Variants in NEGR1 observed in about 807,000 individuals in gnomAD.
The protein encoded by NEGR1 is neuronal growth regulator 1.
A neutral mutation model predicts 40.9 loss-of-function variants in NEGR1; 10 were observed. The observed-to-expected ratio is 0.24, with a 90% CI of 0.15 to 0.42. The LOEUF (loss-of-function observed/expected upper bound fraction) is 0.42, where lower values mean the gene tolerates loss of function less well. Ranked by LOEUF, NEGR1 falls within the 10% of genes least tolerant of loss-of-function variation. The pLI, the probability that NEGR1 is intolerant of heterozygous loss-of-function variation, is 1.00. For synonymous variants in NEGR1, 185 were observed against 166.8 expected, an observed-to-expected ratio of 1.11 and a Z score of -0.84; for missense variants, 352 against 438.9, an observed-to-expected ratio of 0.80 and a Z score of 1.77.
At chr1:71,834,670 T>C (rs1658955229) in intron 2 of NEGR1, among the ~76,000 whole-genome samples, 1 of 152,010 alleles carries the variant, frequency 6.6e-6, no homozygotes, top group Admixed American at 6.6e-5. Context: ...TGTGGGCCAA[T>C]TCCTACTGAT....
intron 1 of NEGR1, among the ~76,000 whole-genome samples, chr1:71,974,388 A>T (rs1646284423): frequency 6.6e-6 from 1 of 152,250 alleles, no homozygotes; most frequent in Admixed American, 6.5e-5. Context: ...GATATTAAGT[A>T]AATTTCTGTT....
chr1:72,126,914 A>T (rs762249672), intron 1 of NEGR1, among the ~76,000 whole-genome samples: 1 of 152,094 alleles, frequency 6.6e-6, no homozygotes, highest in Non-Finnish European at 1.5e-5. Context: ...TCTGCTCAAC[A>T]TTTGCCCCAA....
intron 2 of NEGR1, among the ~76,000 whole-genome samples, chr1:71,907,804 A>G (rs990722915): frequency 8.5e-5 from 13 of 152,142 alleles, no homozygotes; most frequent in Non-Finnish European, 4.4e-5. Context: ...TACACCCCCC[A>G]TGGAATACTA....
chr1:72,127,298 A>G (rs1275116586), intron 1 of NEGR1, among the ~76,000 whole-genome samples: 1 of 151,860 alleles, frequency 6.6e-6, no homozygotes, highest in Non-Finnish European at 1.5e-5. Context: ...CCCTGTCTCT[A>G]CTAAAAAAAC....
At chr1:71,904,344 A>G (rs1021398254) in intron 2 of NEGR1, among the ~76,000 whole-genome samples, 1 of 152,110 alleles carries the variant, frequency 6.6e-6, no homozygotes, top group Non-Finnish European at 1.5e-5. Flanking sequence ...ACAAGTGGAC[A>G]TAATTATTTG....
chr1:72,236,559 T>C (rs1421546585), intron 1 of NEGR1, among the ~76,000 whole-genome samples: 3 of 152,064 alleles, frequency 2.0e-5, no homozygotes, highest in Admixed American at 6.6e-5. Context: ...TCCTCCTTTG[T>C]GACTCAATCA....
chr1:72,047,890 A>G (rs1320448219), intron 1 of NEGR1, among the ~76,000 whole-genome samples: 5 of 151,620 alleles, frequency 3.3e-5, no homozygotes, highest in African/African-American at 9.7e-5. Context: ...TATTCTGTAT[A>G]GAAGCATATA....
At chr1:71,728,331 C>A (rs1407171025) in intron 3 of NEGR1, among the ~76,000 whole-genome samples, 1 of 152,092 alleles carries the variant, frequency 6.6e-6, no homozygotes, top group East Asian at 1.9e-4. Flanking sequence ...GGAGTCCAGG[C>A]AGAGTAACTG....
chr1:71,419,557 T>G (rs752654366), intron 6 of NEGR1, among the ~76,000 whole-genome samples: 14 of 152,178 alleles, frequency 9.2e-5, no homozygotes, highest in Non-Finnish European at 1.9e-4. Context: ...ATCTGTTTTT[T>G]TTCCTCATAG....
chr1:71,410,728 G>A (rs1646314373), intron 6 of NEGR1, among the ~76,000 whole-genome samples: 1 of 152,058 alleles, frequency 6.6e-6, no homozygotes, highest in Admixed American at 6.6e-5. Context: ...ATTATGTGTG[G>A]TTTGTGTGTG....
chr1:71,597,468 CTCTCTGTG>C (rs1386367949), intron 5 of NEGR1, among the ~76,000 whole-genome samples: 2 of 22,224 alleles, frequency 9.0e-5, no homozygotes, highest in African/African-American at 1.4e-4. Context: ...CTCTCTCTCT[CTCTCTGTG>C]TGTGTGTGTG....
chr1:72,097,046 G>T (rs986219), intron 1 of NEGR1, among the ~76,000 whole-genome samples: 48,911 of 151,872 alleles, frequency 0.32, 10,246 homozygotes, highest in African/African-American at 0.6. Context: ...GTTTAAATTT[G>T]CAGGCAAAAT....
rs565134847 is a variant in NEGR1, at chr1:71,854,518, G to A, written c.410-78221C>T. On this transcript the variant is annotated intron_variant, in intron 2 of 6. Coordinates refer to ENST00000357731, the MANE Select transcript of NEGR1 (RefSeq NM_173808.3). ...CTGTAAATCAATTGGTCAGTCAAAA[G>A]GTGATGATAATTATAATCGTATTAG... Among the ~76,000 whole-genome samples the A allele has an allele frequency of 3.3e-5, 5 of 152,158 alleles. No individual in the cohort carries two copies. The South Asian group carries it at 8.3e-4, about 25-fold the overall frequency.
chr1:72,270,901 A>C (rs1655820426), intron 1 of NEGR1, among the ~76,000 whole-genome samples: 1 of 151,868 alleles, frequency 6.6e-6, no homozygotes, highest in African/African-American at 2.4e-5. Flanking sequence ...AAGTGCCAAT[A>C]AATTTCAAAG....
chr1:71,562,214 G>A (rs1648484741), intron 6 of NEGR1, among the ~76,000 whole-genome samples: 1 of 151,750 alleles, frequency 6.6e-6, no homozygotes, highest in African/African-American at 2.4e-5. Context: ...CAGTGAAAAG[G>A]AAAAATAAAC....
intron 1 of NEGR1, among the ~76,000 whole-genome samples, chr1:72,225,969 CTT>C (rs1654177674): frequency 6.6e-6 from 1 of 151,568 alleles, no homozygotes; most frequent in Non-Finnish European, 1.5e-5. Flanking sequence ...TAGGAGGTAA[CTT>C]AGCAGGAAAA....
chr1:72,000,562 T>C (rs1436256214), intron 1 of NEGR1, among the ~76,000 whole-genome samples: 5 of 152,164 alleles, frequency 3.3e-5, no homozygotes, highest in Non-Finnish European at 7.4e-5. Flanking sequence ...TTAAAACACA[T>C]TTTTCTATTT....
intron 4 of NEGR1, among the ~76,000 whole-genome samples, chr1:71,696,857 T>A (rs966864247): frequency 1.1e-4 from 16 of 151,808 alleles, no homozygotes; most frequent in Non-Finnish European, 2.2e-4. Context: ...TTACTACAAT[T>A]TGTTTGCAGA....
chr1:71,920,457 C>A (rs1337856921), intron 2 of NEGR1, among the ~76,000 whole-genome samples: 1 of 152,118 alleles, frequency 6.6e-6, no homozygotes, highest in Non-Finnish European at 1.5e-5. Flanking sequence ...CTACTTCACC[C>A]CAAAAGCTGG....
Sources: allele counts gnomAD v4.1 joint callset (sites outside exome capture counted in the v4.1 genomes callset), GRCh38; gene constraint gnomAD v4.1.1; transcripts MANE v1.5; gene names NCBI Gene and HGNC (gene_info 2026-07-23, HGNC 2026-07-21).